The following DHX15 variants were observed in gnomAD, a reference collection of about 807,000 sequenced individuals.
The protein encoded by DHX15 is ATP-dependent RNA helicase DHX15.
Under a neutral mutation model 94.4 loss-of-function variants are expected in DHX15, and 11 were observed. The observed-to-expected ratio is 0.12, with a 90% CI of 0.07 to 0.19. The LOEUF (loss-of-function observed/expected upper bound fraction) is 0.19, where lower values mean the gene tolerates loss of function less well. Among genes scored for constraint, DHX15 ranks in the 10% least tolerant of loss-of-function variants. The pLI is 1.00. For missense variants in DHX15, 304 were observed against 988.5 expected (o/e 0.31, Z 9.29); for synonymous variants, 338 against 329.9 (o/e 1.02, Z -0.27).
chr4:24,556,063 AC>A (rs1187704362), intron 4 of DHX15, among the ~76,000 whole-genome samples, 187 bp downstream of exon 4: 1 of 152,166 alleles, frequency 6.6e-6, no homozygotes, highest in African/African-American at 2.4e-5. Flanking sequence ...AAAATGCATT[AC>A]TATAAAGGGG....
intron 6 of DHX15, among the ~76,000 whole-genome samples, chr4:24,547,903 G>GTATATATATATATATATA (rs869194543): frequency 1.4e-5 from 1 of 70,754 alleles, no homozygotes; most frequent in African/African-American, 6.0e-5. Context: ...GTATGTATGT[G>GTATATATATATATATATA]TATATATATA....
intron 2 of DHX15, among the ~76,000 whole-genome samples, chr4:24,573,805 T>C (rs183131771): frequency 1.1e-4 from 17 of 152,302 alleles, no homozygotes; most frequent in Admixed American, 9.1e-4. Flanking sequence ...TTGCTCACAC[T>C]GTCCCTTTGG....
intron 1 of DHX15, among the ~76,000 whole-genome samples, chr4:24,583,435 T>G (rs1048873194): frequency 5.9e-5 from 9 of 151,408 alleles, no homozygotes; most frequent in Non-Finnish European, 1.2e-4. Context: ...AAAAGCTACT[T>G]ATGAAGAAAA....
Position 24,570,863 on chromosome 4 carries a change from A to C in DHX15, c.508-16T>G. ...ACTGTGGAATCTATCAAATAATTTC[A>C]CATTTAAATTAATTCTATTCTGCCT... On this transcript the variant is annotated splice_polypyrimidine_tract_variant and intron_variant, in intron 2 of 13. Transcript: ENST00000336812. The C allele has an allele frequency of 6.2e-7, 1 of 1,610,108 alleles. No homozygotes were observed. Among genetic ancestry groups the C allele is most frequent in the Non-Finnish European group, 8.5e-7 (1 of 1,176,866 alleles).
In DHX15 at chr4:24,532,849, A is replaced by G. The variant is rs1430909137; in HGVS notation, c.2100+15T>C. 3 of 1,550,564 alleles carry G rather than the reference A, an allele frequency of 1.9e-6. No homozygotes were observed. The highest frequency in any genetic ancestry group is 2.6e-6 in the Non-Finnish European group (3 of 1,139,234). ...TATGAATACTTAGTTATTCATTCCCATATTATCTACATACCTGCATAAAAT... is the reference window on the plus strand; with the variant it reads ...TATGAATACTTAGTTATTCATTCCCGTATTATCTACATACCTGCATAAAAT... On this transcript the variant is annotated intron_variant, in intron 12 of 13. Coordinates refer to ENST00000336812, the MANE Select transcript of DHX15 (RefSeq NM_001358.3).
At position 24,527,672 on chromosome 4, in the gene DHX15, T is replaced by C. The variant is rs1000510857; in HGVS notation, c.*252A>G. 2 of 376,880 alleles carry C rather than the reference T, an allele frequency of 5.3e-6. No homozygotes were observed. The highest frequency in any genetic ancestry group is 9.6e-6 in the Non-Finnish European group (2 of 208,130). 23.3% of individuals were successfully genotyped at this position (376,880 alleles called of 1,614,324 possible). A position where few individuals can be genotyped will look rare whatever the true frequency, so the allele number is the denominator to read the frequency against. ...TAAAGAAATGCTTATAACATTGTTA[T>C]ATATAGAACTACTTTCAATAAACTG... On this transcript the variant is annotated 3_prime_UTR_variant, in exon 14 of 14. Coordinates refer to ENST00000336812, the MANE Select transcript of DHX15 (RefSeq NM_001358.3).
At chr4:24,569,938 C>T (rs1376868485) in intron 3 of DHX15, among the ~76,000 whole-genome samples, 1 of 152,216 alleles carries the variant, frequency 6.6e-6, no homozygotes, top group East Asian at 1.9e-4. Flanking sequence ...GAGCCCCACT[C>T]AAACAAGTCA....
At chr4:24,541,770 A>C in intron 8 of DHX15, 103 bp downstream of exon 8, 1 of 1,243,058 alleles carries the variant, frequency 8.0e-7, no homozygotes, top group Non-Finnish European at 1.1e-6. Flanking sequence ...AGGAGCTTTT[A>C]ATCCTAAAAG....
intron 3 of DHX15, among the ~76,000 whole-genome samples, chr4:24,565,564 C>T (rs1046321503): frequency 6.6e-6 from 1 of 152,210 alleles, no homozygotes; most frequent in Non-Finnish European, 1.5e-5. Context: ...CCTTTACCTC[C>T]AGCCCTAAAA....
intron 3 of DHX15, 21 bp downstream of exon 3, chr4:24,570,633 C>CT (rs1164459555): frequency 6.2e-7 from 1 of 1,609,826 alleles, no homozygotes; most frequent in African/African-American, 1.3e-5. Flanking sequence ...CTAAAAGCGT[C>CT]ATTAAAGATA....
At chr4:24,541,280 CAA>C (rs1265934416) in intron 8 of DHX15, among the ~76,000 whole-genome samples, 2 of 152,102 alleles carry the variant, frequency 1.3e-5, no homozygotes, top group Non-Finnish European at 2.9e-5. Context: ...AAAAATTCAT[CAA>C]GTTTAAATTG....
intron 1 of DHX15, chr4:24,580,846 T>C (rs775984181): frequency 4.6e-5 from 7 of 151,866 alleles, no homozygotes; most frequent in Non-Finnish European, 1.0e-4. Context: ...CCGTCAATCT[T>C]ATTTCCAGGA....
At position 24,575,156 on chromosome 4, in the gene DHX15, T is replaced by TA. The variant is rs796325646; in HGVS notation, c.507+1086dup. On this transcript the variant is annotated intron_variant, in intron 2 of 13. Transcript: ENST00000336812. The stretch of plus-strand genomic sequence containing the variant: ...ACTGTCTCAACAACAACACAAAAAT[T>TA]AAAAAAAAAAAAAAGAAAAGAAAAG... Among the ~76,000 whole-genome samples, 751 of 130,506 alleles carry TA rather than the reference T, an allele frequency of 5.8e-3. 6 individuals are homozygous for TA. Among genetic ancestry groups the TA allele is most frequent in the African/African-American group, 0.015 (526 of 35,428 alleles). The allele number at this position is 130,506 out of a possible 152,430, so 85.6% of individuals were successfully genotyped here. A position where few individuals can be genotyped will look rare whatever the true frequency, so the allele number is the denominator to read the frequency against.
At chr4:24,565,277 C>CA (rs1278702690) in intron 3 of DHX15, among the ~76,000 whole-genome samples, 4 of 152,164 alleles carry the variant, frequency 2.6e-5, no homozygotes, top group African/African-American at 9.7e-5. Flanking sequence ...CTCAGCAAAC[C>CA]AAGTTAGCTT....
chr4:24,567,942 G>C (rs1722031933), intron 3 of DHX15, among the ~76,000 whole-genome samples: 1 of 152,202 alleles, frequency 6.6e-6, no homozygotes, highest in Non-Finnish European at 1.5e-5. Flanking sequence ...AGCCATTTAA[G>C]GCTAGACTAA....
At position 24,533,045 on chromosome 4, in the gene DHX15, G is replaced by C; in HGVS notation, c.1919C>G (p.Ser640Trp). 1 of 1,613,848 alleles carries C rather than the reference G, an allele frequency of 6.2e-7. No individual in the cohort carries two copies. The highest frequency in any genetic ancestry group is 8.5e-7 in the Non-Finnish European group (1 of 1,179,786). Residue 640 changes from serine (S) to tryptophan (W), a missense_variant, in exon 12 of 14, where the codon TCG (serine) becomes TGG (tryptophan). Ser to Trp is a radical substitution (Grantham distance 177). Transcript: ENST00000336812. ...VYHAFKQNHE[S>W]VQWCYDNFIN... Reference sequence around the variant, plus strand: ...GAAGTTGTCATAACACCACTGAACCGATTCATGATCTAAAAAGGTAGAAGG... The same window carrying C: ...GAAGTTGTCATAACACCACTGAACCCATTCATGATCTAAAAAGGTAGAAGG...
intron 2 of DHX15, 37 bp downstream of exon 2, chr4:24,576,200 TTAAACA>T (rs1393314635): frequency 1.2e-5 from 18 of 1,515,850 alleles, no homozygotes; most frequent in Non-Finnish European, 1.5e-5. Context: ...TTTGGTAAAC[TTAAACA>T]TAAATGAAAT....
In DHX15 at chr4:24,543,010, T is replaced by G; in HGVS notation, c.1265A>C (p.Asn422Thr). 1 of 1,610,904 alleles carries G rather than the reference T, an allele frequency of 6.2e-7. No homozygotes were observed. The highest frequency in any genetic ancestry group is 8.5e-7 in the Non-Finnish European group (1 of 1,177,662). Reference sequence around the variant, plus strand: ...TATTGTCAAAGACGTCTCTGCTATGTTAGTTGACACAACTACCTGTTAAGA... The same window carrying G: ...TATTGTCAAAGACGTCTCTGCTATGGTAGTTGACACAACTACCTGTTAAGA... ...AIGRKVVVST[N>T]IAETSLTIDG... Residue 422 changes from asparagine (N) to threonine (T), a missense_variant, in exon 7 of 14, where the codon AAC becomes ACC. Coordinates refer to ENST00000336812, the MANE Select transcript of DHX15 (RefSeq NM_001358.3).
intron 2 of DHX15, among the ~76,000 whole-genome samples, chr4:24,574,564 A>G (rs1722200638): frequency 6.6e-6 from 1 of 152,200 alleles, no homozygotes; most frequent in African/African-American, 2.4e-5. Flanking sequence ...ACCACAGAAT[A>G]GCAGTATGAA....
Sources: gnomAD v4.1 joint callset for allele counts (sites outside exome capture counted in the v4.1 genomes callset) on GRCh38, gnomAD v4.1.1 for gene constraint, MANE v1.5 for transcripts, NCBI Gene and HGNC (gene_info 2026-07-23, HGNC 2026-07-21) for gene names.